The following LILRB5 variants were observed in gnomAD, a reference collection of about 807,000 sequenced individuals.
LILRB5 encodes the protein leukocyte immunoglobulin like receptor B5, also known as leukocyte immunoglobulin-like receptor subfamily B member 5.
In LILRB5, 61 loss-of-function variants were observed where a neutral mutation model predicts 68.4. The ratio of observed to expected loss-of-function variants is 0.89; its 90% CI spans 0.73 to 1.10. The LOEUF (loss-of-function observed/expected upper bound fraction) is 1.10. Ranked by LOEUF, LILRB5 falls within the 50% of genes least tolerant of loss-of-function variation. The pLI, the probability that LILRB5 is intolerant of heterozygous loss-of-function variation, is 0.00. For synonymous variants in LILRB5, 356 were observed against 315.8 expected (o/e 1.13, Z -1.35); for missense variants, 771 against 751.6 (o/e 1.03, Z -0.30).
At position 54,256,335 on chromosome 19, in the gene LILRB5, A is replaced by C. The variant is rs1259782896; in HGVS notation, c.363T>G (p.Tyr121Ter). 1 of 1,605,466 alleles carries C rather than the reference A, an allele frequency of 6.2e-7. No individual in the cohort carries two copies. The highest frequency in any genetic ancestry group is 1.7e-5 in the Admixed American group (1 of 59,136). The change falls in exon 4 of 13, where the codon TAT (tyrosine) becomes TAG (stop). Residue 121 changes from tyrosine to a stop codon, truncating the protein, a stop_gained. Transcript: ENST00000449561. LOFTEE classifies it high-confidence loss of function. ...GCAGGGCTAAAAGAGTGGGTTCTGCATAGAATCCTAGCAGAGAAGGAGGCA... is the reference window on the plus strand; with the variant it reads ...GCAGGGCTAAAAGAGTGGGTTCTGCCTAGAATCCTAGCAGAGAAGGAGGCA... Reference protein sequence around the residue: ...DPLELVATGFYAEPTLLALPS... With the variant: ...DPLELVATGF
chr19:54,252,029 G>T (rs756348293), intron 12 of LILRB5, 25 bp downstream of exon 12: 20 of 1,611,420 alleles, frequency 1.2e-5, no homozygotes, highest in South Asian at 7.7e-5. Flanking sequence ...GGCCTTTGGT[G>T]CCCGGGACAG....
Position 54,254,885 on chromosome 19 carries a change from A to T in LILRB5, c.1105T>A (p.Ser369Thr). The change falls in exon 6 of 13, where the codon TCA becomes ACA. Residue 369 changes from serine to threonine, a missense_variant. Transcript: ENST00000449561. Reference sequence around the variant, plus strand: ...TGGTGTCTATAAGACTGGTACTTTGACTTTAGACACAGCGGGGGATGGGCT... The same window carrying T: ...TGGTGTCTATAAGACTGGTACTTTGTCTTTAGACACAGCGGGGGATGGGCT... ...GAAHPPLCLKSKYQSYRHQAE... is the reference protein window; with the variant it reads ...GAAHPPLCLKTKYQSYRHQAE... 3 of 1,613,994 alleles carry T rather than the reference A, an allele frequency of 1.9e-6. No individual in the cohort carries two copies. Among genetic ancestry groups the T allele is most frequent in the Non-Finnish European group, 2.5e-6 (3 of 1,179,970 alleles).
Position 54,252,074 on chromosome 19 carries a change from C to G in LILRB5, c.1609G>C (p.Gly537Arg), listed in dbSNP as rs144185169. 6 of 1,614,040 alleles carry G rather than the reference C, an allele frequency of 3.7e-6. No homozygotes were observed. The highest frequency in any genetic ancestry group is 5.1e-6 in the Non-Finnish European group (6 of 1,179,970). Reference sequence around the variant, plus strand: ...CTCACCGGAGCATCCATCTCCACCCCGTCCTTGGGCTGTGTGTCCTTCACG... The same window carrying G: ...CTCACCGGAGCATCCATCTCCACCCGGTCCTTGGGCTGTGTGTCCTTCACG... ...AAVKDTQPKD[G>R]VEMDAPAAAS... Residue 537 changes from glycine (G) to arginine (R), a missense_variant, in exon 12 of 13, where the codon GGG (glycine) becomes CGG (arginine). Transcript: ENST00000449561.
At chr19:54,257,134 C>G in intron 1 of LILRB5, 26 bp downstream of exon 1, 1 of 1,614,110 alleles carries the variant, frequency 6.2e-7, no homozygotes, top group Non-Finnish European at 8.5e-7. Context: ...AGACGGGGAC[C>G]TTCCTTCCCC....
intron 3 of LILRB5, 35 bp from the exon 4 acceptor site, chr19:54,256,377 C>G (rs2079142939): frequency 6.3e-7 from 1 of 1,587,782 alleles, no homozygotes; most frequent in Non-Finnish European, 8.6e-7. Flanking sequence ...AAGTGGGGCT[C>G]CGACCTCCCA....
chr19:54,254,565 TG>T, intron 6 of LILRB5, 150 bp from the exon 7 acceptor site: 1 of 1,243,162 alleles, frequency 8.0e-7, no homozygotes, highest in Non-Finnish European at 1.1e-6. Flanking sequence ...TGGGCATGCC[TG>T]GGGAGCCCCC....
At chr19:54,255,707 G>C (rs1366939612) in intron 4 of LILRB5, 125 bp from the exon 5 acceptor site, 1 of 1,208,072 alleles carries the variant, frequency 8.3e-7, no homozygotes, top group African/African-American at 1.5e-5. Flanking sequence ...GGATCCCGGG[G>C]CCTCCTTCTC....
rs375559918 is a variant in LILRB5, at chr19:54,252,125, G to A, written c.1577-19C>T. 5.0e-5 allele frequency: 81 copies of A among 1,613,578 alleles called. No homozygotes were observed. Among genetic ancestry groups the A allele is most frequent in the Non-Finnish European group, 6.6e-5 (78 of 1,179,710 alleles). Reference sequence around the variant, plus strand: ...GCAGCATCTGCTGGGCCAGAGCAAGGGGTTCATCTCCTGGGAAGGTTCTCT... The same window carrying A: ...GCAGCATCTGCTGGGCCAGAGCAAGAGGTTCATCTCCTGGGAAGGTTCTCT... On this transcript the variant is annotated intron_variant, in intron 11 of 12. Transcript: ENST00000449561.
In LILRB5 at chr19:54,255,617, G is replaced by C. The variant is rs774200268; in HGVS notation, c.656-35C>G. The C allele has an allele frequency of 3.8e-6, 6 of 1,594,392 alleles. No individual in the cohort carries two copies. In the African/African-American group the frequency reaches 4.0e-5, roughly 11 times the overall value. ...AAGAGGAATTGGGACTTGGAAGGCTGGTTCCTCCCCCGCCCCTTCCTTCTC... is the reference window on the plus strand; with the variant it reads ...AAGAGGAATTGGGACTTGGAAGGCTCGTTCCTCCCCCGCCCCTTCCTTCTC... On this transcript the variant is annotated intron_variant, in intron 4 of 12. Coordinates refer to ENST00000449561, the MANE Select transcript of LILRB5 (RefSeq NM_001081442.3).
In LILRB5 at chr19:54,253,003, G is replaced by A. The variant is rs774638991; in HGVS notation, c.1358-16C>T. 2.0e-6 allele frequency: 3 copies of A among 1,516,066 alleles called. No individual in the cohort carries two copies. The South Asian group carries it at 3.3e-5, about 17-fold the overall frequency. 93.9% of individuals were successfully genotyped at this position (1,516,066 alleles called of 1,614,324 possible). A position where few individuals can be genotyped will look rare whatever the true frequency, so the allele number is the denominator to read the frequency against. ...CTTCCCAGACCTTGAGCGTGATGAC[G>A]TTGGGAATGGGGATGACGTCATTGA... On this transcript the variant is annotated splice_polypyrimidine_tract_variant and intron_variant, in intron 8 of 12. Coordinates refer to ENST00000449561, the MANE Select transcript of LILRB5 (RefSeq NM_001081442.3).
Position 54,254,868 on chromosome 19 carries a change from A to G in LILRB5, c.1122T>C (p.Tyr374=), listed in dbSNP as rs778335452. ...TCATGGAGAATTCAGCCTGGTGTCT[A>G]TAAGACTGGTACTTTGACTTTAGAC... ...PLCLKSKYQS[Y]RHQAEFSMSP... is the part of the protein sequence containing the mutation. Residue 374 remains tyrosine, a synonymous_variant, in exon 6 of 13, where the codon TAT becomes TAC. Coordinates refer to ENST00000449561, the MANE Select transcript of LILRB5 (RefSeq NM_001081442.3). 2.5e-6 allele frequency: 4 copies of G among 1,613,996 alleles called. No individual in the cohort carries two copies. The highest frequency in any genetic ancestry group is 2.2e-5 in the South Asian group (2 of 91,086).
chr19:54,252,876 G>A lies in LILRB5; in HGVS notation c.1469C>T (p.Thr490Ile). Residue 490 changes from threonine (T) to isoleucine (I), a missense_variant, in exon 9 of 13, where the codon ACA becomes ATA. Physicochemically the swap from Thr to Ile is moderately conservative, Grantham distance 89. Transcript: ENST00000449561. ...TTCCCCCATTCCCTACTCACCCGAT[G>A]TCCTGTGTTTGCTCTGATGCCGATG... ...LRHRHQSKHR[T>I]SAHFYRPAGA... 6.2e-7 allele frequency: 1 copy of A among 1,603,290 alleles called. No homozygotes were observed. Among genetic ancestry groups the A allele is most frequent in the Non-Finnish European group, 8.5e-7 (1 of 1,173,322 alleles).
rs569631609 is a variant in LILRB5 at position 54,255,290 on chromosome 19, G to C, written c.948C>G (p.Ile316Met). 3.2e-5 allele frequency: 51 copies of C among 1,613,072 alleles called. No homozygotes were observed. In the East Asian group the frequency reaches 8.0e-4, roughly 25 times the overall value. Reference protein sequence around the residue: ...SAPSDPLDILIAGLIPDIPAL... With the variant: ...SAPSDPLDILMAGLIPDIPAL... ...TGAACCCGCTGGGCTCCTCACCTGC[G>C]ATCAGGATGTCCAGGGGGTCGCTGG... is the stretch of plus-strand genomic sequence containing the variant. The change falls in exon 5 of 13, where the codon ATC becomes ATG. Residue 316 changes from isoleucine to methionine, a missense_variant. Physicochemically the swap from Ile to Met is conservative, Grantham distance 10 (BLOSUM62 1). Transcript: ENST00000449561.
At chr19:54,254,595 G>A (rs1265185538) in intron 6 of LILRB5, 140 bp downstream of exon 6, 2 of 1,269,466 alleles carry the variant, frequency 1.6e-6, no homozygotes, top group Admixed American at 2.0e-5. Flanking sequence ...CCTCCCCTCT[G>A]AGGGGTGAGT....
chr19:54,251,792 C>T, intron 12 of LILRB5: 6 of 685,918 alleles, frequency 8.7e-6, no homozygotes, highest in Non-Finnish European at 1.4e-5. Flanking sequence ...TATTCCTCAT[C>T]CTCCTGAGGC....
At chr19:54,253,645 A>G in intron 8 of LILRB5, 1 of 587,702 alleles carries the variant, frequency 1.7e-6, no homozygotes, top group Non-Finnish European at 3.0e-6. Context: ...CAGAGTAGAA[A>G]GTTGACCTGC....
chr19:54,254,037 C>T lies in LILRB5; in HGVS notation c.1338G>A (p.Thr446=), dbSNP rs943722058. 57 of 1,597,402 alleles carry T rather than the reference C, an allele frequency of 3.6e-5. No individual in the cohort carries two copies. Among genetic ancestry groups the T allele is most frequent in the Non-Finnish European group, 4.6e-5 (54 of 1,171,776 alleles). ...ACTCACCACTCTGGGGATCCAACCCCGTGGGGGTGAGGGGCTGGTCCTCAG... is the reference window on the plus strand; with the variant it reads ...ACTCACCACTCTGGGGATCCAACCCTGTGGGGGTGAGGGGCTGGTCCTCAG... The part of the protein sequence containing the change: ...AGPEDQPLTP[T]GLDPQSGLGR... The change falls in exon 8 of 13, where the codon ACG becomes ACA. Residue 446 remains threonine, a synonymous_variant. Transcript: ENST00000449561.
chr19:54,255,318 G>C lies in LILRB5; in HGVS notation c.920C>G (p.Ala307Gly). 6.2e-7 allele frequency: 1 copy of C among 1,613,586 alleles called. No individual in the cohort carries two copies. The highest frequency in any genetic ancestry group is 8.5e-7 in the Non-Finnish European group (1 of 1,179,860). Residue 307 changes from alanine to glycine, a missense_variant, in exon 5 of 13, where the codon GCC becomes GGC. Physicochemically the swap from Ala to Gly is moderately conservative, Grantham distance 60. Coordinates refer to ENST00000449561, the MANE Select transcript of LILRB5 (RefSeq NM_001081442.3). ...GAHNLSPRWS[A>G]PSDPLDILIA... ...CAGGATGTCCAGGGGGTCGCTGGGGGCCGACCACCTAGGGGAGAGGTTGTG... is the reference window on the plus strand; with the variant it reads ...CAGGATGTCCAGGGGGTCGCTGGGGCCCGACCACCTAGGGGAGAGGTTGTG...
At chr19:54,252,245 GGTTCA>G in intron 11 of LILRB5, 116 bp downstream of exon 11, 1 of 1,442,700 alleles carries the variant, frequency 6.9e-7, no homozygotes, top group Non-Finnish European at 9.6e-7. Context: ...CCACAGTGTG[GGTTCA>G]GACCGCCTCC....
Sources: gnomAD v4.1 joint callset for allele counts on GRCh38, gnomAD v4.1.1 for gene constraint, MANE v1.5 for transcripts, NCBI Gene and HGNC (gene_info 2026-07-23, HGNC 2026-07-21) for gene names.